The following BCL6 variants were observed in gnomAD, a reference collection of about 807,000 sequenced individuals.
BCL6 encodes BCL6 transcription repressor.
BCL6 carries 7 observed loss-of-function variants against 59.5 expected under a neutral mutation model. That is an observed-to-expected ratio of 0.12 (90% CI 0.07 to 0.22). BCL6 has a LOEUF of 0.22. Ranked by LOEUF, BCL6 falls within the 10% of genes least tolerant of loss-of-function variation. BCL6 has a pLI of 1.00. For missense variants in BCL6, 685 were observed against 939.4 expected (o/e 0.73, Z 3.54); for synonymous variants, 339 against 349.7 (o/e 0.97, Z 0.34).
intron 4 of BCL6, 110 bp from the exon 5 acceptor site, chr3:187,730,131 T>C (rs1718968356): frequency 1.4e-6 from 2 of 1,405,444 alleles, no homozygotes; most frequent in Non-Finnish European, 1.9e-6. Context: ...TAGCTAGACA[T>C]AGGTGACGTG....
At chr3:187,736,853 T>G (rs1719303540) in intron 1 of BCL6, 1 of 152,170 alleles carries the variant, frequency 6.6e-6, no homozygotes, top group South Asian at 2.1e-4. Context: ...GGTTTGTATT[T>G]TTACAGAGCT....
chr3:187,727,809 T>A (rs530827755), intron 6 of BCL6, among the ~76,000 whole-genome samples: 3 of 152,188 alleles, frequency 2.0e-5, no homozygotes, highest in Non-Finnish European at 2.9e-5. Context: ...AGATTTAGAC[T>A]TTTTTGTCTG....
At chr3:187,734,426 C>T (rs1415637691) in intron 2 of BCL6, 1 of 152,552 alleles carries the variant, frequency 6.6e-6, no homozygotes, top group East Asian at 1.9e-4. Context: ...TGGTTTGGGG[C>T]TTTGGTTTCC....
intron 1 of BCL6, among the ~76,000 whole-genome samples, chr3:187,743,976 T>G (rs1442642491): frequency 6.6e-6 from 1 of 152,150 alleles, no homozygotes; most frequent in East Asian, 1.9e-4. Flanking sequence ...AAAGTGCCCT[T>G]CTCTCCTCCT....
At chr3:187,731,973 T>C (rs778706999) in intron 3 of BCL6, 43 bp from the exon 4 acceptor site, 1 of 1,536,998 alleles carries the variant, frequency 6.5e-7, no homozygotes, top group Non-Finnish European at 9.0e-7. Flanking sequence ...ACATATCGAA[T>C]CTGTGATCCC....
rs772973428 is a variant in BCL6, at chr3:187,729,674, C to T, written c.731G>A (p.Arg244Gln). Residue 244 changes from arginine to glutamine, a missense_variant, in exon 5 of 10, where the codon CGG becomes CAG. This residue lies in a region of BCL6 where 268 missense variants were observed against 263.8 expected (regional missense o/e 1.02). Transcript: ENST00000406870. The surrounding 1 kb of genome is among the most constrained non-coding windows in gnomAD (Gnocchi z 5.6). The stretch of plus-strand genomic sequence containing the variant: ...ATTGGGGGACACCTCCAAAGTCGGC[C>T]GGCTGTACTCACCAGGGACTGGCCT... ...SARPVPGEYS[R>Q]PTLEVSPNVC... 1.4e-4 allele frequency: 227 copies of T among 1,614,074 alleles called. No homozygotes were observed. Among genetic ancestry groups the T allele is most frequent in the South Asian group, 5.8e-4 (53 of 91,080 alleles).
rs147914986 is a variant in BCL6, at chr3:187,729,431, C to T, written c.974G>A (p.Arg325Gln). The T allele has an allele frequency of 1.8e-4, 289 of 1,610,410 alleles. 1 individual carries two copies. In the African/African-American group the frequency reaches 3.5e-3, roughly 19 times the overall value. ...GCTCTGTGGACTAACCAGACCCTTC[C>T]GGTTCAGGGGTGCATTGGGGGGCTC... ...HFEPPNAPLN[R>Q]KGLVSPQSPQ... Residue 325 changes from arginine to glutamine, a missense_variant, in exon 5 of 10, where the codon CGG (arginine) becomes CAG (glutamine). Transcript: ENST00000406870. The surrounding 1 kb of genome is among the most constrained non-coding windows in gnomAD (Gnocchi z 5.6).
intron 3 of BCL6, among the ~76,000 whole-genome samples, chr3:187,733,056 G>C (rs1215685880): frequency 6.6e-6 from 1 of 152,146 alleles, no homozygotes; most frequent in African/African-American, 2.4e-5. Flanking sequence ...TGATAAACAT[G>C]AAGAATCAGC....
intron 1 of BCL6, among the ~76,000 whole-genome samples, chr3:187,741,154 C>T (rs769165949): frequency 6.6e-6 from 1 of 152,160 alleles, no homozygotes; most frequent in Non-Finnish European, 1.5e-5. Flanking sequence ...GTGATTGCCT[C>T]TAAAAGCAAA....
chr3:187,744,033 T>A (rs1711743163), intron 1 of BCL6, among the ~76,000 whole-genome samples: 1 of 152,050 alleles, frequency 6.6e-6, no homozygotes, highest in Admixed American at 6.6e-5. Context: ...TTCGTCTTTC[T>A]CCTCGCCCAA....
intron 1 of BCL6, among the ~76,000 whole-genome samples, chr3:187,741,248 C>G (rs562469071): frequency 6.6e-6 from 1 of 152,322 alleles, no homozygotes; most frequent in African/African-American, 2.4e-5. Flanking sequence ...GTATCTGGAG[C>G]TGGTTTCATG....
chr3:187,729,916 C>T lies in BCL6; in HGVS notation c.489G>A (p.Val163=). ...DIMAYRGREV[V]ENNLPLRSAP... ...CGCTCCTCAGTGGCAGGTTGTTCTCCACCACCTCACGACCCCGATAGGCCA... is the reference window on the plus strand; with the variant it reads ...CGCTCCTCAGTGGCAGGTTGTTCTCTACCACCTCACGACCCCGATAGGCCA... The change falls in exon 5 of 10, where the codon GTG becomes GTA. Residue 163 remains valine, a synonymous_variant. Coordinates refer to ENST00000406870, the MANE Select transcript of BCL6 (RefSeq NM_001706.5). The surrounding 1 kb of genome is among the most constrained non-coding windows in gnomAD (Gnocchi z 5.6). 1 of 1,614,082 alleles carries T rather than the reference C, an allele frequency of 6.2e-7. No homozygotes were observed. Among genetic ancestry groups the T allele is most frequent in the Non-Finnish European group, 8.5e-7 (1 of 1,179,994 alleles).
rs1718613717 is a variant in BCL6 at position 187,725,156 on chromosome 3, C to T, written c.1840-78G>A. 6 of 1,585,636 alleles carry T rather than the reference C, an allele frequency of 3.8e-6. No homozygotes were observed. The highest frequency in any genetic ancestry group is 1.3e-5 in the African/African-American group (1 of 74,266). On this transcript the variant is annotated intron_variant, in intron 8 of 9. Transcript: ENST00000406870. The surrounding 1 kb of genome is among the most constrained non-coding windows in gnomAD (Gnocchi z 4.7). Reference sequence around the variant, plus strand: ...GGGCAGCCCCTCATTAGCACACAGCCAGTGAGTGGGCCTTTCTCCAGGCCA... The same window carrying T: ...GGGCAGCCCCTCATTAGCACACAGCTAGTGAGTGGGCCTTTCTCCAGGCCA...
rs1718879133 is a variant in BCL6, at chr3:187,729,083, G to A, written c.1322C>T (p.Pro441Leu). 6.5e-7 allele frequency: 1 copy of A among 1,534,180 alleles called. No individual in the cohort carries two copies. The highest frequency in any genetic ancestry group is 1.4e-5 in the African/African-American group (1 of 72,280). ...GATGTTATTGAGCCGGCTGGCTTGT[G>A]GGATGGTGGAGTCCTCCCCGCTGGC... Reference protein sequence around the residue: ...LSASGEDSTIPQASRLNNIVN... With the variant: ...LSASGEDSTILQASRLNNIVN... The change falls in exon 5 of 10, where the codon CCA (proline) becomes CTA (leucine). Residue 441 changes from proline (P) to leucine (L), a missense_variant. Transcript: ENST00000406870. The surrounding 1 kb of genome is among the most constrained non-coding windows in gnomAD (Gnocchi z 5.6).
chr3:187,727,486 C>A (rs1718773586), intron 6 of BCL6, among the ~76,000 whole-genome samples: 2 of 152,222 alleles, frequency 1.3e-5, no homozygotes, highest in Admixed American at 1.3e-4. Context: ...TCTGTGGTCA[C>A]CCTTGCACCT....
Position 187,735,343 on chromosome 3 carries a change from C to G in BCL6, c.-49-436G>C, listed in dbSNP as rs968182421. 2.0e-5 allele frequency among the ~76,000 whole-genome samples: 3 copies of G among 152,190 alleles called. No individual in the cohort carries two copies. In the East Asian group the frequency reaches 5.8e-4, roughly 29 times the overall value. The stretch of plus-strand genomic sequence containing the variant: ...ACCTGCTAAAATATTATCTTTCAAG[C>G]CTTAGAATGATTCCGCAAGGACGAT... On this transcript the variant is annotated intron_variant, in intron 1 of 9. Transcript: ENST00000406870.
intron 1 of BCL6, among the ~76,000 whole-genome samples, chr3:187,743,598 A>T (rs567731393): frequency 6.6e-6 from 1 of 152,180 alleles, no homozygotes; most frequent in East Asian, 1.9e-4. Flanking sequence ...CATTATTGCA[A>T]CACTAGTTCC....
At chr3:187,734,625 G>A (rs1156545851) in intron 2 of BCL6, 2 of 152,278 alleles carry the variant, frequency 1.3e-5, no homozygotes, top group African/African-American at 4.8e-5. Flanking sequence ...CTAGCATATT[G>A]TTGGTGAACA....
intron 1 of BCL6, among the ~76,000 whole-genome samples, chr3:187,741,920 G>T (rs575950384): frequency 6.6e-6 from 1 of 151,978 alleles, no homozygotes; most frequent in Admixed American, 6.5e-5. Context: ...GGGGAAGGCC[G>T]GGCTACCTCC....
Sources: allele counts gnomAD v4.1 joint callset (sites outside exome capture counted in the v4.1 genomes callset), GRCh38; gene constraint gnomAD v4.1.1; regional missense constraint gnomAD v4.1.1; non-coding constraint Gnocchi (gnomAD v3.1); transcripts MANE v1.5; gene names NCBI Gene and HGNC (gene_info 2026-07-23, HGNC 2026-07-21).